Variants in CBFA2T3 observed in about 807,000 individuals in gnomAD.
CBFA2T3 encodes the protein CBFA2/RUNX1 partner transcriptional co-repressor 3.
In CBFA2T3, 31 loss-of-function variants were observed where a neutral mutation model predicts 58.6. That is an observed-to-expected ratio of 0.53 (90% CI 0.40 to 0.71). The LOEUF is 0.71. Ranked by LOEUF, CBFA2T3 falls within the 30% of genes least tolerant of loss-of-function variation. CBFA2T3 has a pLI of 0.00. For missense variants in CBFA2T3, 1,076 were observed against 963.1 expected, an observed-to-expected ratio of 1.12 and a Z score of -1.55; for synonymous variants, 531 against 421.9, an observed-to-expected ratio of 1.26 and a Z score of -3.17.
chr16:88,938,201 C>G (rs1386328527), intron 1 of CBFA2T3: 1 of 152,294 alleles, frequency 6.6e-6, no homozygotes, highest in East Asian at 1.9e-4. Context: ...GGCTTTTGCA[C>G]CTACAGTGCT....
At chr16:88,943,728 C>G (rs541154654) in intron 1 of CBFA2T3, among the ~76,000 whole-genome samples, 1 of 152,182 alleles carries the variant, frequency 6.6e-6, no homozygotes, top group Non-Finnish European at 1.5e-5. Flanking sequence ...GGCTGAGCCT[C>G]TCAGCCACAC....
chr16:88,910,150 A>C (rs868270173), intron 1 of CBFA2T3, among the ~76,000 whole-genome samples: 1 of 151,996 alleles, frequency 6.6e-6, no homozygotes, highest in Non-Finnish European at 1.5e-5. Flanking sequence ...CACTCGCCGC[A>C]CTTGCCCCAG....
chr16:88,885,084 G>C lies in CBFA2T3; in HGVS notation c.1079C>G (p.Pro360Arg), dbSNP rs1408478468. 8 of 1,602,094 alleles carry C rather than the reference G, an allele frequency of 5.0e-6. No homozygotes were observed. The highest frequency in any genetic ancestry group is 3.3e-5 in the South Asian group (3 of 90,874). ...GCGCTCTCGTAGCTCCCGGGGGTCT[G>C]GGTGGCGGTAGGCATCTCGGAAGTG... The part of the protein sequence containing the change: ...AHHFRDAYRH[P>R]DPRELRERHR... The change falls in exon 7 of 12, where the codon CCA becomes CGA. Residue 360 changes from proline (P) to arginine (R), a missense_variant. Coordinates refer to ENST00000268679, the MANE Select transcript of CBFA2T3 (RefSeq NM_005187.6). This position sits in a 1 kb window ranked among gnomAD's most constrained non-coding sequence, Gnocchi z 5.3.
intron 1 of CBFA2T3, among the ~76,000 whole-genome samples, chr16:88,904,856 C>A (rs1299964109): frequency 1.3e-5 from 2 of 152,180 alleles, no homozygotes; most frequent in Non-Finnish European, 2.9e-5. Flanking sequence ...TTCCTCTGTA[C>A]ATGTGGAGGA....
rs1241958226 is a variant in CBFA2T3 at position 88,875,506 on chromosome 16, T to A, written c.*1470A>T. The A allele has an allele frequency of 4.3e-6, 1 of 233,562 alleles. No homozygotes were observed. Among genetic ancestry groups the A allele is most frequent in the Admixed American group, 5.6e-5 (1 of 17,740 alleles). 14.5% of individuals were successfully genotyped at this position (233,562 alleles called of 1,614,324 possible). The stretch of plus-strand genomic sequence containing the variant: ...GAGGAGGCAGAGGGCTGCTTTTGTT[T>A]GTAGTTTTTTTGTTTTTTCTGCAAA... On this transcript the variant is annotated 3_prime_UTR_variant, in exon 12 of 12. Transcript: ENST00000268679.
At chr16:88,904,990 G>A (rs1970251165) in intron 1 of CBFA2T3, among the ~76,000 whole-genome samples, 1 of 152,182 alleles carries the variant, frequency 6.6e-6, no homozygotes, top group African/African-American at 2.4e-5. Flanking sequence ...CCCTGGCACA[G>A]ACTCTACCCG....
chr16:88,941,172 GGCGGGGCTGGGGCGC>G, intron 1 of CBFA2T3: 1 of 982,324 alleles, frequency 1.0e-6, no homozygotes, highest in Non-Finnish European at 1.2e-6. Context: ...TCAGGCGCGC[GGCGGGGCTGGGGCGC>G]GCGGGGCGGC....
At chr16:88,895,072 C>T (rs969236208) in intron 3 of CBFA2T3, among the ~76,000 whole-genome samples, 5 of 152,136 alleles carry the variant, frequency 3.3e-5, no homozygotes, top group Admixed American at 2.0e-4. Flanking sequence ...GAACATGGGA[C>T]GTGGGGACCT....
chr16:88,891,001 G>A (rs1238938498), intron 5 of CBFA2T3, among the ~76,000 whole-genome samples: 3 of 152,172 alleles, frequency 2.0e-5, no homozygotes, highest in Non-Finnish European at 4.4e-5. Context: ...CTCTGATTCA[G>A]CAGGTTTGGG....
intron 1 of CBFA2T3, among the ~76,000 whole-genome samples, chr16:88,925,275 G>C (rs181076106): frequency 6.6e-6 from 1 of 152,186 alleles, no homozygotes; most frequent in Non-Finnish European, 1.5e-5. Context: ...AGCCGCAGCC[G>C]TGGTGGCAGC....
intron 2 of CBFA2T3, among the ~76,000 whole-genome samples, chr16:88,899,741 T>G (rs1439167038): frequency 3.3e-5 from 5 of 152,232 alleles, no homozygotes; most frequent in Non-Finnish European, 5.9e-5. Context: ...CCACGGTGTT[T>G]GTCCCTGACA....
intron 1 of CBFA2T3, among the ~76,000 whole-genome samples, chr16:88,965,095 C>CCATT (rs1355344582): frequency 6.7e-6 from 1 of 150,334 alleles, no homozygotes; most frequent in African/African-American, 2.5e-5. Flanking sequence ...ATCTATCCAT[C>CCATT]CATCCATCCA....
At chr16:88,922,829 A>T (rs1442160024) in intron 1 of CBFA2T3, among the ~76,000 whole-genome samples, 1 of 152,160 alleles carries the variant, frequency 6.6e-6, no homozygotes, top group Non-Finnish European at 1.5e-5. Context: ...CCAACAAAAT[A>T]CTAACTCATT....
At chr16:88,959,676 A>C (rs1173964458) in intron 1 of CBFA2T3, among the ~76,000 whole-genome samples, 2 of 152,316 alleles carry the variant, frequency 1.3e-5, no homozygotes, top group Middle Eastern at 3.4e-3. Context: ...CAGCTGGGAA[A>C]GGCGATGGAG....
At chr16:88,899,791 A>G (rs976052283) in intron 2 of CBFA2T3, among the ~76,000 whole-genome samples, 9 of 152,168 alleles carry the variant, frequency 5.9e-5, no homozygotes, top group African/African-American at 2.2e-4. Context: ...TGTTTTAGGC[A>G]CTGCGCCCAT....
rs1289603664 is a variant in CBFA2T3, at chr16:88,894,167, GCA to G, written c.380-1684_380-1683del. Among the ~76,000 whole-genome samples, 8 of 150,522 alleles carry G rather than the reference GCA, an allele frequency of 5.3e-5. No homozygotes were observed. The East Asian group carries it at 5.9e-4, about 11-fold the overall frequency. ...CCCTTACACACATGCACGCACACAT[GCA>G]CACACACATGCATACATATACACAT... On this transcript the variant is annotated intron_variant, in intron 3 of 11. Coordinates refer to ENST00000268679, the MANE Select transcript of CBFA2T3 (RefSeq NM_005187.6).
chr16:88,904,369 G>A (rs993886529), intron 1 of CBFA2T3, among the ~76,000 whole-genome samples: 1 of 151,926 alleles, frequency 6.6e-6, no homozygotes, highest in Non-Finnish European at 1.5e-5. Context: ...TTACTAGGAC[G>A]GACCAGGCTC....
intron 1 of CBFA2T3, among the ~76,000 whole-genome samples, chr16:88,903,154 A>G (rs1970166606): frequency 6.6e-6 from 1 of 152,232 alleles, no homozygotes; most frequent in African/African-American, 2.4e-5. Context: ...ACCCAGGGCC[A>G]CGGCCACGCG....
At chr16:88,890,614 C>A (rs933961807) in intron 5 of CBFA2T3, among the ~76,000 whole-genome samples, 1 of 152,242 alleles carries the variant, frequency 6.6e-6, no homozygotes. Flanking sequence ...AATGGAGACC[C>A]GCAGAGATGG....
Sources: gnomAD v4.1 joint callset for allele counts (sites outside exome capture counted in the v4.1 genomes callset) on GRCh38, gnomAD v4.1.1 for gene constraint, Gnocchi (gnomAD v3.1) non-coding constraint, MANE v1.5 for transcripts, NCBI Gene and HGNC (gene_info 2026-07-23, HGNC 2026-07-21) for gene names.